The following ZNF407 variants were observed in gnomAD, a reference collection of about 807,000 sequenced individuals.
ZNF407 encodes zinc finger protein 407.
Under a neutral mutation model 131.2 loss-of-function variants are expected in ZNF407, and 17 were observed. The observed-to-expected ratio is 0.13, with a 90% confidence interval of 0.09 to 0.19. ZNF407 has a LOEUF of 0.19. ZNF407 is among the 10% of genes least tolerant of loss of function. The pLI, the probability that ZNF407 is intolerant of heterozygous loss-of-function variation, is 1.00. For synonymous variants in ZNF407, 1,156 were observed against 1,062.0 expected, an observed-to-expected ratio of 1.09 and a Z score of -1.72; for missense variants, 2,681 against 2,830.6, an observed-to-expected ratio of 0.95 and a Z score of 1.20.
chr18:74,599,850 CG>C (rs762396124), intron 1 of ZNF407, among the ~76,000 whole-genome samples: 4 of 152,098 alleles, frequency 2.6e-5, no homozygotes, highest in Non-Finnish European at 5.9e-5. Flanking sequence ...TATGAATAGG[CG>C]AATAAATTAA....
At chr18:74,685,975 C>T (rs1967087892) in intron 3 of ZNF407, among the ~76,000 whole-genome samples, 1 of 152,146 alleles carries the variant, frequency 6.6e-6, no homozygotes, top group Non-Finnish European at 1.5e-5. Context: ...CACTGGTTTC[C>T]CAAGGCACCT....
chr18:74,893,026 G>T (rs968387060), intron 7 of ZNF407, among the ~76,000 whole-genome samples: 1 of 152,066 alleles, frequency 6.6e-6, no homozygotes, highest in Non-Finnish European at 1.5e-5. Flanking sequence ...AGTATTTCAG[G>T]TTTTCTTGGT....
At chr18:74,719,428 C>A (rs920823035) in intron 3 of ZNF407, among the ~76,000 whole-genome samples, 5 of 152,208 alleles carry the variant, frequency 3.3e-5, no homozygotes, top group Non-Finnish European at 7.3e-5. Context: ...GAGACGGAGT[C>A]TTGCTCTGTC....
chr18:74,734,162 A>T (rs1006999134), intron 3 of ZNF407, among the ~76,000 whole-genome samples: 8 of 152,160 alleles, frequency 5.3e-5, no homozygotes, highest in Admixed American at 6.6e-5. Context: ...TGGTTCCAGC[A>T]GTATGCAGAA....
chr18:74,720,562 A>T (rs946588979), intron 3 of ZNF407, among the ~76,000 whole-genome samples: 19 of 151,902 alleles, frequency 1.3e-4, no homozygotes, highest in African/African-American at 4.4e-4. Flanking sequence ...TCTTACTCAT[A>T]TAATATTTTC....
At chr18:74,776,837 G>T (rs957149150) in intron 3 of ZNF407, among the ~76,000 whole-genome samples, 1 of 152,200 alleles carries the variant, frequency 6.6e-6, no homozygotes, top group Non-Finnish European at 1.5e-5. Context: ...ATAAGTTAGA[G>T]AAAACGTTAT....
At chr18:74,877,603 T>C (rs191936052) in intron 5 of ZNF407, among the ~76,000 whole-genome samples, 19 of 152,364 alleles carry the variant, frequency 1.2e-4, no homozygotes, top group African/African-American at 3.6e-4. Context: ...AATAAGTCTA[T>C]ATTTAGAAGC....
At chr18:74,699,440 A>T (rs1270232239) in intron 3 of ZNF407, among the ~76,000 whole-genome samples, 4 of 152,166 alleles carry the variant, frequency 2.6e-5, no homozygotes, top group African/African-American at 7.2e-5. Context: ...GGGAGCCCAG[A>T]GTAGCTATTT....
chr18:74,968,661 A>G (rs1327018811), intron 8 of ZNF407, among the ~76,000 whole-genome samples: 1 of 152,138 alleles, frequency 6.6e-6, no homozygotes, highest in South Asian at 2.1e-4. Flanking sequence ...GTTTGAATTG[A>G]TGTTCCCACA....
At chr18:74,841,163 A>G (rs562686191) in intron 4 of ZNF407, among the ~76,000 whole-genome samples, 18 of 152,350 alleles carry the variant, frequency 1.2e-4, no homozygotes, top group African/African-American at 4.3e-4. Context: ...TCATGTAGTA[A>G]TGAGCTGAAA....
At chr18:74,801,986 T>C (rs1424586131) in intron 4 of ZNF407, among the ~76,000 whole-genome samples, 2 of 152,030 alleles carry the variant, frequency 1.3e-5, no homozygotes, top group East Asian at 3.8e-4. Context: ...TTTGTCAGAA[T>C]TCTTAAAAAA....
intron 3 of ZNF407, among the ~76,000 whole-genome samples, chr18:74,779,642 C>T (rs941333491): frequency 2.6e-5 from 4 of 151,204 alleles, no homozygotes; most frequent in South Asian, 2.1e-4. Context: ...ACACTCAGCA[C>T]GTTAGGACAT....
At chr18:75,022,358 T>C (rs918944425) in intron 8 of ZNF407, among the ~76,000 whole-genome samples, 3 of 152,138 alleles carry the variant, frequency 2.0e-5, no homozygotes, top group South Asian at 2.1e-4. Flanking sequence ...GTAGCCCAAA[T>C]ATCAAGGGGT....
intron 3 of ZNF407, among the ~76,000 whole-genome samples, chr18:74,759,453 C>T (rs1346939947): frequency 6.6e-6 from 1 of 152,056 alleles, no homozygotes; most frequent in African/African-American, 2.4e-5. Flanking sequence ...TACTATGTTT[C>T]TTATTATGTC....
chr18:74,968,358 C>T (rs1972432713), intron 8 of ZNF407, among the ~76,000 whole-genome samples: 1 of 152,156 alleles, frequency 6.6e-6, no homozygotes, highest in Admixed American at 6.5e-5. Flanking sequence ...TCTCAAATGT[C>T]CATGAGGAGG....
chr18:74,689,336 G>T (rs1257065590), intron 3 of ZNF407, among the ~76,000 whole-genome samples: 1 of 152,140 alleles, frequency 6.6e-6, no homozygotes, highest in Non-Finnish European at 1.5e-5. Context: ...TGTGTTCTAG[G>T]ATGAATTAAT....
intron 8 of ZNF407, among the ~76,000 whole-genome samples, chr18:74,949,838 C>T (rs140075484): frequency 1.3e-5 from 2 of 152,202 alleles, no homozygotes; most frequent in Non-Finnish European, 2.9e-5. Context: ...AGGGCAGGCA[C>T]TCTCAGACCA....
intron 3 of ZNF407, among the ~76,000 whole-genome samples, chr18:74,655,825 GTTTTA>G (rs1247662320): frequency 6.6e-6 from 1 of 152,122 alleles, no homozygotes; most frequent in Non-Finnish European, 1.5e-5. Context: ...GGTTTAGCTT[GTTTTA>G]TTTTACAAAT....
chr18:74,605,133 A>C (rs181372760), intron 1 of ZNF407, among the ~76,000 whole-genome samples: 1 of 152,142 alleles, frequency 6.6e-6, no homozygotes, highest in East Asian at 1.9e-4. Flanking sequence ...CATTCTCTTG[A>C]TATTTGGGGT....
Sources: allele counts gnomAD v4.1 joint callset (sites outside exome capture counted in the v4.1 genomes callset), GRCh38; gene constraint gnomAD v4.1.1; transcripts MANE v1.5; gene names NCBI Gene and HGNC (gene_info 2026-07-23, HGNC 2026-07-21).